Variants in SKOR2 observed in about 807,000 individuals in gnomAD.
The protein encoded by SKOR2 is SKI family transcriptional corepressor 2.
In SKOR2, 47 loss-of-function variants were observed where a neutral mutation model predicts 69.1. The observed-to-expected ratio is 0.68, with a 90% CI of 0.54 to 0.87. The LOEUF is 0.87. Among genes scored for constraint, SKOR2 ranks in the 40% least tolerant of loss-of-function variants. The pLI is 0.00. For missense variants in SKOR2, 1,404 were observed against 1,472.2 expected (o/e 0.95, Z 0.76); for synonymous variants, 717 against 672.6 (o/e 1.07, Z -1.02).
rs1266155652 is a variant in SKOR2, at chr18:47,212,136, T to A, written c.3001A>T (p.Ser1001Cys). 4.3e-5 allele frequency: 53 copies of A among 1,231,886 alleles called. No individual in the cohort carries two copies. The highest frequency in any genetic ancestry group is 5.2e-5 in the Non-Finnish European group (51 of 987,886). The allele number at this position is 1,231,886 out of a possible 1,614,324, so 76.3% of individuals were successfully genotyped here. ...CCAAGCTTTTCTTTCCTGATCAAAC[T>A]TGCTGCATAGGGGATCTGTAAGACA... ...QQLQIIPYAA[S>C]LIRKEKLGAH... The change falls in exon 8 of 9, where the codon AGT (serine) becomes TGT (cysteine). Residue 1001 changes from serine (S) to cysteine (C), a missense_variant. Around this residue, in one of 3 missense-constraint regions of SKOR2, gnomAD observed 1,266 missense variants for 1,309.9 expected, o/e 0.97. Coordinates refer to ENST00000425639, the MANE Select transcript of SKOR2 (RefSeq NM_001278063.4).
chr18:47,211,000 A>T (rs2144473709), intron 8 of SKOR2, among the ~76,000 whole-genome samples: 1 of 152,218 alleles, frequency 6.6e-6, no homozygotes, highest in Non-Finnish European at 1.5e-5. Flanking sequence ...GGTTTTAAGC[A>T]CCTGATGAAA....
At chr18:47,237,340 G>A (rs1469584467) in intron 4 of SKOR2, among the ~76,000 whole-genome samples, 1 of 152,218 alleles carries the variant, frequency 6.6e-6, no homozygotes, top group East Asian at 1.9e-4. Flanking sequence ...TTTTAACCAT[G>A]ACCTGAAAAT....
rs766088790 is a variant in SKOR2, at chr18:47,248,700, C to T, written c.484G>A (p.Ala162Thr). The T allele has an allele frequency of 6.4e-7, 1 of 1,562,442 alleles. No homozygotes were observed. ...TTGGCGCGCGAGCTGTTGTAGCGCG[C>T]GGGAATGAAGCTGCCGCGGCAGCCC... ...AWGCRGSFIPARYNSSRAKCI... is the reference protein window; with the variant it reads ...AWGCRGSFIPTRYNSSRAKCI... The change falls in exon 2 of 9, where the codon GCG becomes ACG. Residue 162 changes from alanine to threonine, a missense_variant. This residue lies in a region of SKOR2 where 1,266 missense variants were observed against 1,309.9 expected (regional missense o/e 0.97). Transcript: ENST00000425639. The surrounding 1 kb of genome is among the most constrained non-coding windows in gnomAD (Gnocchi z 6.4).
At chr18:47,227,294 T>C (rs2064181796) in intron 6 of SKOR2, among the ~76,000 whole-genome samples, 1 of 148,844 alleles carries the variant, frequency 6.7e-6, no homozygotes, top group Non-Finnish European at 1.5e-5. Context: ...CCTGTGGTCC[T>C]CATTAACCCT....
chr18:47,228,856 T>G (rs2064187552), intron 6 of SKOR2, among the ~76,000 whole-genome samples: 1 of 152,252 alleles, frequency 6.6e-6, no homozygotes, highest in South Asian at 2.1e-4. Context: ...TATCAAAAGC[T>G]ATTGGCCATT....
intron 6 of SKOR2, among the ~76,000 whole-genome samples, chr18:47,223,555 A>G (rs1227177474): frequency 6.6e-6 from 1 of 152,228 alleles, no homozygotes; most frequent in African/African-American, 2.4e-5. Context: ...GGTGTCCATT[A>G]TCTAAAACTT....
chr18:47,230,400 C>T, intron 6 of SKOR2, 59 bp downstream of exon 6: 2 of 1,016,490 alleles, frequency 2.0e-6, no homozygotes, highest in Non-Finnish European at 2.6e-6. Context: ...ATTCTTAAGC[C>T]TAATAATAGA....
chr18:47,227,176 T>A lies in SKOR2; in HGVS notation c.2917+3283A>T, dbSNP rs1324020590. ...TCCTCCTTCTTCCTCCTTTCCTGCCTCTTCCTCCTCCTTCTCCTTTTTCCC... is the reference window on the plus strand; with the variant it reads ...TCCTCCTTCTTCCTCCTTTCCTGCCACTTCCTCCTCCTTCTCCTTTTTCCC... On this transcript the variant is annotated intron_variant, in intron 6 of 8. Transcript: ENST00000425639. Among the ~76,000 whole-genome samples the A allele has an allele frequency of 2.0e-5, 3 of 151,950 alleles. No homozygotes were observed. In the South Asian group the frequency reaches 6.3e-4, roughly 32 times the overall value.
chr18:47,250,824 C>G (rs1184821973), intron 1 of SKOR2, among the ~76,000 whole-genome samples: 1 of 152,154 alleles, frequency 6.6e-6, no homozygotes, highest in African/African-American at 2.4e-5. Context: ...CAGTTCAAGG[C>G]GCAGTGACAC....
chr18:47,250,407 T>C (rs1198434693), intron 1 of SKOR2, among the ~76,000 whole-genome samples: 1 of 152,178 alleles, frequency 6.6e-6, no homozygotes, highest in Non-Finnish European at 1.5e-5. Flanking sequence ...ACAATGCCAC[T>C]AAGTGGAAAG....
chr18:47,215,936 G>A (rs1254723791), intron 7 of SKOR2, among the ~76,000 whole-genome samples: 1 of 152,134 alleles, frequency 6.6e-6, no homozygotes, highest in Non-Finnish European at 1.5e-5. Flanking sequence ...ATACACAGAT[G>A]CACTTGCTTA....
chr18:47,234,879 A>AGG (rs1555658846), intron 4 of SKOR2, among the ~76,000 whole-genome samples: 1 of 142,050 alleles, frequency 7.0e-6, no homozygotes, highest in Non-Finnish European at 1.5e-5. Context: ...AAAAAAAGAG[A>AGG]GGGGGTGGGG....
In SKOR2 at chr18:47,249,142, C is replaced by T. The variant is rs965923473; in HGVS notation, c.42G>A (p.Leu14=). The T allele has an allele frequency of 2.3e-5, 35 of 1,535,604 alleles. No homozygotes were observed. The African/African-American group carries it at 3.8e-4, about 17-fold the overall frequency. Reference sequence around the variant, plus strand: ...GCTGGAAGGCGCTCGACGGCGACGCCAGCAGGATGTCGTTGGGCCCTGGCA... The same window carrying T: ...GCTGGAAGGCGCTCGACGGCGACGCTAGCAGGATGTCGTTGGGCCCTGGCA... ...SPLPGPNDIL[L]ASPSSAFQPD... Residue 14 remains leucine (L), a synonymous_variant, in exon 2 of 9, where the codon CTG becomes CTA. Coordinates refer to ENST00000425639, the MANE Select transcript of SKOR2 (RefSeq NM_001278063.4).
At chr18:47,232,784 C>G (rs552296094) in intron 4 of SKOR2, among the ~76,000 whole-genome samples, 3 of 152,196 alleles carry the variant, frequency 2.0e-5, no homozygotes, top group East Asian at 1.9e-4. Context: ...TTACAGTAAG[C>G]GGGGGCCAGA....
intron 2 of SKOR2, 50 bp downstream of exon 2, chr18:47,246,521 G>A (rs1465336738): frequency 2.8e-6 from 4 of 1,454,002 alleles, no homozygotes; most frequent in Non-Finnish European, 3.6e-6. Context: ...GCCTAAAGGT[G>A]CATTTAAATA....
intron 6 of SKOR2, among the ~76,000 whole-genome samples, chr18:47,223,690 T>A (rs2064168994): frequency 6.6e-6 from 1 of 152,172 alleles, no homozygotes; most frequent in African/African-American, 2.4e-5. Flanking sequence ...TCATTTTGTT[T>A]TATAAAAGCA....
chr18:47,244,108 T>C (rs916776094), intron 4 of SKOR2, among the ~76,000 whole-genome samples: 5 of 152,238 alleles, frequency 3.3e-5, no homozygotes, highest in Non-Finnish European at 7.3e-5. Flanking sequence ...GGAGACCTTT[T>C]TCATTGTACT....
intron 6 of SKOR2, among the ~76,000 whole-genome samples, chr18:47,223,653 G>A (rs140789537): frequency 3.3e-3 from 507 of 152,190 alleles, no homozygotes; most frequent in Non-Finnish European, 5.6e-3. Flanking sequence ...AAACAAAAAG[G>A]AAGTAAAAAA....
chr18:47,247,839 C>T lies in SKOR2; in HGVS notation c.1345G>A (p.Gly449Ser). 7.3e-7 allele frequency: 1 copy of T among 1,367,168 alleles called. No individual in the cohort carries two copies. The highest frequency in any genetic ancestry group is 9.3e-7 in the Non-Finnish European group (1 of 1,070,414). The allele number at this position is 1,367,168 out of a possible 1,614,324, so 84.7% of individuals were successfully genotyped here. A position where few individuals can be genotyped will look rare whatever the true frequency, so the allele number is the denominator to read the frequency against. ...GCGGGCCAGAAGAGGCCGGACAAGCCGGCCTTGGGCGCCGCGCCCGCGCCG... is the reference window on the plus strand; with the variant it reads ...GCGGGCCAGAAGAGGCCGGACAAGCTGGCCTTGGGCGCCGCGCCCGCGCCG... ...AGGAGAAPKA[G>S]LSGLFWPAGR... is the part of the protein sequence containing the mutation. Residue 449 changes from glycine (G) to serine (S), a missense_variant, in exon 2 of 9, where the codon GGC (glycine) becomes AGC (serine). This residue lies in a region of SKOR2 where 1,266 missense variants were observed against 1,309.9 expected (regional missense o/e 0.97). Coordinates refer to ENST00000425639, the MANE Select transcript of SKOR2 (RefSeq NM_001278063.4). This position sits in a 1 kb window ranked among gnomAD's most constrained non-coding sequence, Gnocchi z 6.6.
Sources: gnomAD v4.1 joint callset for allele counts (sites outside exome capture counted in the v4.1 genomes callset) on GRCh38, gnomAD v4.1.1 for gene constraint, gnomAD v4.1.1 regional missense constraint, Gnocchi (gnomAD v3.1) non-coding constraint, MANE v1.5 for transcripts, NCBI Gene and HGNC (gene_info 2026-07-23, HGNC 2026-07-21) for gene names.